SCARB2: variants seen among roughly 807,000 people sequenced by gnomAD.
The protein encoded by SCARB2 is lysosome membrane protein 2.
In SCARB2, 29 loss-of-function variants were observed where a neutral mutation model predicts 58.6. The ratio of observed to expected loss-of-function variants is 0.49; its 90% CI spans 0.37 to 0.67. The LOEUF is 0.67. Among genes scored for constraint, SCARB2 ranks in the 30% least tolerant of loss-of-function variants. SCARB2 has a pLI of 0.00. For synonymous variants in SCARB2, 195 were observed against 210.1 expected (o/e 0.93, Z 0.62); for missense variants, 488 against 578.5 (o/e 0.84, Z 1.60).
chr4:76,175,640 A>G (rs112782013), intron 6 of SCARB2, 151 bp downstream of exon 6: 1 of 910,400 alleles, frequency 1.1e-6, no homozygotes, highest in Non-Finnish European at 1.7e-6. Flanking sequence ...CCAGTACACT[A>G]TACTGTCTCG....
chr4:76,219,625 G>C (rs1016857916), intron 1 of SCARB2, among the ~76,000 whole-genome samples: 8 of 152,164 alleles, frequency 5.3e-5, no homozygotes, highest in Non-Finnish European at 1.0e-4. Context: ...GGGGAGAAAG[G>C]GGGGATGGAG....
intron 2 of SCARB2, among the ~76,000 whole-genome samples, chr4:76,181,559 G>A (rs1282811422): frequency 6.6e-6 from 1 of 152,030 alleles, no homozygotes; most frequent in Non-Finnish European, 1.5e-5. Flanking sequence ...TAAATTACAG[G>A]AGTTCACTCC....
intron 6 of SCARB2, 55 bp from the exon 7 acceptor site, chr4:76,174,368 C>A (rs934658052): frequency 4.5e-6 from 7 of 1,542,098 alleles, no homozygotes; most frequent in African/African-American, 1.4e-5. Flanking sequence ...TGTAATCTGC[C>A]CGAAATCCGC....
intron 1 of SCARB2, among the ~76,000 whole-genome samples, chr4:76,205,939 G>T (rs1011063757): frequency 2.1e-4 from 32 of 152,138 alleles, no homozygotes; most frequent in Non-Finnish European, 1.0e-4. Flanking sequence ...AGCCAATAAG[G>T]GCGCAAAGGA....
upstream of SCARB2, among the ~76,000 whole-genome samples, chr4:76,216,475 A>G (rs538761513): frequency 1.1e-3 from 168 of 152,222 alleles, 1 homozygote; most frequent in Non-Finnish European, 1.9e-3. Flanking sequence ...CACTCCTCCC[A>G]TCCCTGGACC....
chr4:76,197,801 T>C (rs902162849), intron 1 of SCARB2, among the ~76,000 whole-genome samples: 3 of 152,186 alleles, frequency 2.0e-5, no homozygotes, highest in Non-Finnish European at 2.9e-5. Flanking sequence ...CAGGTCCGGA[T>C]TAGGAGGAGT....
chr4:76,176,638 T>C, intron 4 of SCARB2, 110 bp from the exon 5 acceptor site: 2 of 740,178 alleles, frequency 2.7e-6, no homozygotes, highest in Non-Finnish European at 4.7e-6. Context: ...GATGGTGTGG[T>C]GAAGGTATTT....
At chr4:76,162,772 A>C (rs1731924944) in intron 11 of SCARB2, 1 of 263,960 alleles carries the variant, frequency 3.8e-6, no homozygotes, top group African/African-American at 2.2e-5. Flanking sequence ...TCTAATCCTC[A>C]TGAAAAACTC....
intron 2 of SCARB2, among the ~76,000 whole-genome samples, chr4:76,187,394 A>G (rs1732509747): frequency 6.6e-6 from 1 of 152,232 alleles, no homozygotes; most frequent in Non-Finnish European, 1.5e-5. Context: ...AAAGTGTGGA[A>G]ACACAACTGG....
chr4:76,163,497 C>A (rs1044109238), intron 10 of SCARB2, 114 bp from the exon 11 acceptor site: 1 of 1,069,696 alleles, frequency 9.3e-7, no homozygotes, highest in East Asian at 2.5e-5. Context: ...TGTTAGCAAA[C>A]CAAACATACT....
At chr4:76,198,841 AGTGTGTGTGTGTGTGTGTGTGTGT>A (rs10545527) in intron 1 of SCARB2, among the ~76,000 whole-genome samples, 1,425 of 141,114 alleles carry the variant, frequency 0.01, 16 homozygotes, top group Non-Finnish European at 0.015. Flanking sequence ...AGAGTGAGTG[AGTGTGTGTGTGTGTGTGTGTGTGT>A]GTGTGTGTGC....
intron 1 of SCARB2, among the ~76,000 whole-genome samples, chr4:76,224,533 A>C (rs986024035): frequency 4.6e-5 from 7 of 152,164 alleles, no homozygotes; most frequent in Non-Finnish European, 1.0e-4. Flanking sequence ...AAAAGGGCAG[A>C]GAAAGAATAA....
At chr4:76,190,426 A>G (rs1732580486) in intron 2 of SCARB2, among the ~76,000 whole-genome samples, 1 of 152,190 alleles carries the variant, frequency 6.6e-6, no homozygotes, top group Non-Finnish European at 1.5e-5. Context: ...AGCGCTGAGG[A>G]ATTCATTCTT....
At chr4:76,210,120 G>A (rs1432614128) in intron 1 of SCARB2, among the ~76,000 whole-genome samples, 1 of 152,158 alleles carries the variant, frequency 6.6e-6, no homozygotes, top group Admixed American at 6.5e-5. Context: ...CATAACAACT[G>A]TTAACGTTCA....
chr4:76,214,063 C>T (rs1733147331), upstream of SCARB2: 9 of 346,710 alleles, frequency 2.6e-5, 2 homozygotes, highest in Admixed American at 3.3e-4. Flanking sequence ...GCAGGCCCAG[C>T]GCTCGCCCCA....
chr4:76,225,158 T>C (rs1387444028), intron 1 of SCARB2, among the ~76,000 whole-genome samples: 1 of 152,224 alleles, frequency 6.6e-6, no homozygotes, highest in East Asian at 1.9e-4. Flanking sequence ...ATAGTAAATA[T>C]ATATACCACA....
chr4:76,184,782 T>C, intron 2 of SCARB2: 2 of 343,234 alleles, frequency 5.8e-6, no homozygotes, highest in Non-Finnish European at 1.1e-5. Flanking sequence ...ACTTTGTCTC[T>C]ACCAAAAAAA....
chr4:76,160,921 AAC>A lies in SCARB2; in HGVS notation c.*790_*791del, dbSNP rs1654040991. On this transcript the variant is annotated 3_prime_UTR_variant, in exon 12 of 12. Coordinates refer to ENST00000264896, the MANE Select transcript of SCARB2 (RefSeq NM_005506.4). The stretch of plus-strand genomic sequence containing the variant: ...GCATGATCATTTTGACTAAAAAAAA[AAC>A]AGTTAACTATCCACAAGCATCATAA... 6.6e-6 allele frequency: 1 copy of A among 152,202 alleles called. No individual in the cohort carries two copies. Among genetic ancestry groups the A allele is most frequent in the African/African-American group, 2.4e-5 (1 of 41,450 alleles). 9.4% of individuals were successfully genotyped at this position (152,202 alleles called of 1,614,324 possible). A position where few individuals can be genotyped will look rare whatever the true frequency, so the allele number is the denominator to read the frequency against.
At chr4:76,169,715 A>G in intron 8 of SCARB2, 152 bp downstream of exon 8, 1 of 709,510 alleles carries the variant, frequency 1.4e-6, no homozygotes, top group East Asian at 2.7e-5. Context: ...CTATGAGACA[A>G]TGCCTCCATC....
Sources: gnomAD v4.1 joint callset for allele counts (sites outside exome capture counted in the v4.1 genomes callset) on GRCh38, gnomAD v4.1.1 for gene constraint, MANE v1.5 for transcripts, NCBI Gene and HGNC (gene_info 2026-07-23, HGNC 2026-07-21) for gene names.